Variants in AXDND1 observed in about 807,000 individuals in gnomAD.
The protein encoded by AXDND1 is axonemal dynein light chain domain containing 1, also known as axonemal dynein light chain domain-containing protein 1.
In AXDND1, 110 loss-of-function variants were observed where a neutral mutation model predicts 137.5. The ratio of observed to expected loss-of-function variants is 0.80; its 90% CI spans 0.69 to 0.94. The LOEUF is 0.94. Ranked by LOEUF, AXDND1 falls within the 40% of genes least tolerant of loss-of-function variation. AXDND1 has a pLI of 0.00. For missense variants in AXDND1, 1,191 were observed against 1,169.8 expected (o/e 1.02, Z -0.26); for synonymous variants, 414 against 399.7 (o/e 1.04, Z -0.43).
At position 179,394,087 on chromosome 1, in the gene AXDND1, C is replaced by G. The variant is rs377419373; in HGVS notation, c.1004+44C>G. 13 of 1,546,476 alleles carry G rather than the reference C, an allele frequency of 8.4e-6. No individual in the cohort carries two copies. The African/African-American group carries it at 1.8e-4, about 22-fold the overall frequency. ...TTAAACACAAAACAAAAGTCAATGTCATGTCTCTAAAGGGAGTAAAAAATA... is the reference window on the plus strand; with the variant it reads ...TTAAACACAAAACAAAAGTCAATGTGATGTCTCTAAAGGGAGTAAAAAATA... On this transcript the variant is annotated intron_variant, in intron 10 of 25. Coordinates refer to ENST00000367618, the MANE Select transcript of AXDND1 (RefSeq NM_144696.6).
chr1:179,369,985 C>G lies in AXDND1; in HGVS notation c.281C>G (p.Pro94Arg), dbSNP rs753770950. ...KKIKTPKGTL[P>R]RLVDHVWHHP... is the part of the protein sequence containing the mutation. The stretch of plus-strand genomic sequence containing the variant: ...TTTGCTTTTTCCCAGGGCACTCTTC[C>G]ACGCCTTGTAGACCATGTCTGGCAT... The change falls in exon 4 of 26, where the codon CCA becomes CGA. Residue 94 changes from proline (P) to arginine (R), a missense_variant. Pro to Arg is a moderately radical substitution (Grantham distance 103, BLOSUM62 -2). Coordinates refer to ENST00000367618, the MANE Select transcript of AXDND1 (RefSeq NM_144696.6). 6.2e-7 allele frequency: 1 copy of G among 1,613,530 alleles called. No homozygotes were observed. Among genetic ancestry groups the G allele is most frequent in the African/African-American group, 1.3e-5 (1 of 74,924 alleles).
chr1:179,367,520 C>T (rs1667568841), intron 2 of AXDND1, among the ~76,000 whole-genome samples: 1 of 150,538 alleles, frequency 6.6e-6, no homozygotes, highest in Non-Finnish European at 1.5e-5. Context: ...TCTCAAATCA[C>T]GAGGTCAGGA....
intron 16 of AXDND1, among the ~76,000 whole-genome samples, chr1:179,465,505 G>A (rs1419165228): frequency 6.6e-6 from 1 of 152,178 alleles, no homozygotes; most frequent in Non-Finnish European, 1.5e-5. Flanking sequence ...AGGGGCACCT[G>A]GCCGTATGAG....
intron 20 of AXDND1, among the ~76,000 whole-genome samples, chr1:179,502,526 T>A (rs1668095078): frequency 7.4e-6 from 1 of 134,280 alleles, no homozygotes; most frequent in Non-Finnish European, 1.5e-5. Flanking sequence ...ATTGCACCAC[T>A]GCACTTCAGC....
intron 25 of AXDND1, among the ~76,000 whole-genome samples, chr1:179,536,076 T>C (rs189761921): frequency 3.9e-4 from 60 of 152,342 alleles, no homozygotes; most frequent in African/African-American, 1.4e-3. Context: ...GTTGTTTGCT[T>C]TTTTCTTGTA....
chr1:179,525,123 G>A (rs141759002), intron 21 of AXDND1, among the ~76,000 whole-genome samples: 2 of 152,232 alleles, frequency 1.3e-5, no homozygotes, highest in East Asian at 3.9e-4. Context: ...TAAATTAGGT[G>A]CTCCTACTAT....
Position 179,370,005 on chromosome 1 carries a change from T to C in AXDND1, c.301T>C (p.Trp101Arg), listed in dbSNP as rs773761120. Reference protein sequence around the residue: ...GTLPRLVDHVWHHPVRRNKFK... With the variant: ...GTLPRLVDHVRHHPVRRNKFK... Reference sequence around the variant, plus strand: ...TCTTCCACGCCTTGTAGACCATGTCTGGCATCACCCTGTTCGAAGGAATAA... The same window carrying C: ...TCTTCCACGCCTTGTAGACCATGTCCGGCATCACCCTGTTCGAAGGAATAA... Residue 101 changes from tryptophan to arginine, a missense_variant, in exon 4 of 26, where the codon TGG becomes CGG. Coordinates refer to ENST00000367618, the MANE Select transcript of AXDND1 (RefSeq NM_144696.6). The C allele has an allele frequency of 6.2e-7, 1 of 1,614,116 alleles. No individual in the cohort carries two copies. Among genetic ancestry groups the C allele is most frequent in the South Asian group, 1.1e-5 (1 of 91,046 alleles).
At chr1:179,478,839 C>T (rs1664958687) in intron 17 of AXDND1, among the ~76,000 whole-genome samples, 1 of 152,192 alleles carries the variant, frequency 6.6e-6, no homozygotes, top group African/African-American at 2.4e-5. Context: ...GTGACTCATG[C>T]CTGTAATCCC....
At chr1:179,376,755 A>G (rs1443220718) in intron 4 of AXDND1, among the ~76,000 whole-genome samples, 1 of 152,088 alleles carries the variant, frequency 6.6e-6, no homozygotes, top group Non-Finnish European at 1.5e-5. Flanking sequence ...CTCTATATTG[A>G]AGGCTCCCCA....
At chr1:179,372,421 T>C (rs1294288141) in intron 4 of AXDND1, among the ~76,000 whole-genome samples, 1 of 152,148 alleles carries the variant, frequency 6.6e-6, no homozygotes, top group Non-Finnish European at 1.5e-5. Context: ...AAGACATGTT[T>C]ATAGATAGAC....
intron 12 of AXDND1, among the ~76,000 whole-genome samples, chr1:179,417,957 C>T (rs1008537462): frequency 4.7e-5 from 7 of 150,082 alleles, no homozygotes; most frequent in African/African-American, 1.5e-4. Context: ...TTATTTATTG[C>T]TATTTTATTT....
intron 16 of AXDND1, chr1:179,453,040 C>T (rs946690098): frequency 1.3e-5 from 2 of 152,220 alleles, no homozygotes; most frequent in Non-Finnish European, 2.9e-5. Context: ...AGCCTCAAGC[C>T]TTGGCAGCTT....
chr1:179,446,551 A>C (rs1387672817), intron 16 of AXDND1, among the ~76,000 whole-genome samples: 1 of 152,230 alleles, frequency 6.6e-6, no homozygotes, highest in Non-Finnish European at 1.5e-5. Flanking sequence ...CAAGCATCCC[A>C]GGTGATTCTG....
rs377703914 is a variant in AXDND1 at position 179,379,727 on chromosome 1, C to T, written c.581+245C>T. 5.3e-3 allele frequency among the ~76,000 whole-genome samples: 721 copies of T among 134,772 alleles called. 1 individual carries two copies. Among genetic ancestry groups the T allele is most frequent in the Middle Eastern group, 0.018 (4 of 218 alleles). 88.4% of individuals were successfully genotyped at this position (134,772 alleles called of 152,430 possible). A position where few individuals can be genotyped will look rare whatever the true frequency, so the allele number is the denominator to read the frequency against. Reference sequence around the variant, plus strand: ...AGGAGAATCACTTGAACCTGGGAGGCGGAGGTTGCAGTGAGCCAAGATTGC... The same window carrying T: ...AGGAGAATCACTTGAACCTGGGAGGTGGAGGTTGCAGTGAGCCAAGATTGC... On this transcript the variant is annotated intron_variant, in intron 6 of 25. Transcript: ENST00000367618.
At chr1:179,447,726 ATT>A in intron 16 of AXDND1, 1 of 1,347,162 alleles carries the variant, frequency 7.4e-7, no homozygotes, top group East Asian at 2.3e-5. Context: ...TACCTAAACT[ATT>A]TGCACCAGTA....
At chr1:179,527,167 G>A (rs979935329) in intron 22 of AXDND1, among the ~76,000 whole-genome samples, 5 of 152,164 alleles carry the variant, frequency 3.3e-5, no homozygotes, top group African/African-American at 1.2e-4. Flanking sequence ...AACAAGGGGT[G>A]GATTATTCAT....
chr1:179,400,337 A>G (rs187502949), intron 11 of AXDND1, among the ~76,000 whole-genome samples: 2 of 152,250 alleles, frequency 1.3e-5, no homozygotes, highest in East Asian at 3.9e-4. Context: ...TGGAAAACCA[A>G]ACATTGTATG....
At chr1:179,515,956 G>T (rs1336995172) in intron 21 of AXDND1, among the ~76,000 whole-genome samples, 1 of 152,056 alleles carries the variant, frequency 6.6e-6, no homozygotes, top group Admixed American at 6.6e-5. Flanking sequence ...TGTTACAGTT[G>T]CCTACAGTAT....
Position 179,534,000 on chromosome 1 carries a change from T to C in AXDND1, c.2798+123T>C, listed in dbSNP as rs996481617. 2.9e-5 allele frequency: 21 copies of C among 718,510 alleles called. 1 individual carries two copies. The highest frequency in any genetic ancestry group is 2.5e-4 in the Middle Eastern group (1 of 4,072). The allele number at this position is 718,510 out of a possible 1,614,324, so 44.5% of individuals were successfully genotyped here. A position where few individuals can be genotyped will look rare whatever the true frequency, so the allele number is the denominator to read the frequency against. ...GCTTTCTTTATCCACATTAGGGGGA[T>C]GTGTATCTCCACATGTTCTGCTAGA... On this transcript the variant is annotated intron_variant, in intron 24 of 25. Coordinates refer to ENST00000367618, the MANE Select transcript of AXDND1 (RefSeq NM_144696.6).
Sources: gnomAD v4.1 joint callset for allele counts (sites outside exome capture counted in the v4.1 genomes callset) on GRCh38, gnomAD v4.1.1 for gene constraint, MANE v1.5 for transcripts, NCBI Gene and HGNC (gene_info 2026-07-23, HGNC 2026-07-21) for gene names.